TSHR: variants seen among roughly 807,000 people sequenced by gnomAD.
TSHR encodes the protein thyroid stimulating hormone receptor.
Under a neutral mutation model 64.1 loss-of-function variants are expected in TSHR, and 51 were observed. That is an observed-to-expected ratio of 0.80 (90% CI 0.64 to 1.01). The LOEUF is 1.01. Ranked by LOEUF, TSHR falls within the 50% of genes least tolerant of loss-of-function variation. TSHR has a pLI of 0.00. For missense variants in TSHR, 877 were observed against 942.8 expected, an observed-to-expected ratio of 0.93 and a Z score of 0.91; for synonymous variants, 361 against 361.9, an observed-to-expected ratio of 1.00 and a Z score of 0.03.
chr14:80,957,124 G>A (rs1347441026), intron 1 of TSHR, among the ~76,000 whole-genome samples: 1 of 152,032 alleles, frequency 6.6e-6, no homozygotes, highest in African/African-American at 2.4e-5. Context: ...TGCTGTTACA[G>A]CTGCCCTTGC....
At chr14:80,960,818 G>C (rs1405762068) in intron 1 of TSHR, among the ~76,000 whole-genome samples, 1 of 152,244 alleles carries the variant, frequency 6.6e-6, no homozygotes, top group African/African-American at 2.4e-5. Context: ...AAGGCCTACT[G>C]TGGGCAAGGA....
chr14:81,095,796 C>T (rs1889130671), intron 6 of TSHR, among the ~76,000 whole-genome samples: 1 of 152,004 alleles, frequency 6.6e-6, no homozygotes, highest in East Asian at 1.9e-4. Flanking sequence ...ACCTGTAATC[C>T]CCAGTGTTTC....
chr14:80,999,359 A>T (rs756456702), intron 1 of TSHR, among the ~76,000 whole-genome samples: 29 of 152,164 alleles, frequency 1.9e-4, no homozygotes, highest in Non-Finnish European at 4.3e-4. Flanking sequence ...CTTCACCACT[A>T]ACAAGTCTTT....
intron 1 of TSHR, among the ~76,000 whole-genome samples, chr14:81,010,953 T>A (rs113773947): frequency 2.0e-5 from 3 of 152,310 alleles, no homozygotes; most frequent in African/African-American, 7.2e-5. Flanking sequence ...TGCTTCTTGG[T>A]ACTCAGCACT....
At chr14:81,033,554 AG>A (rs1555373028) in intron 1 of TSHR, 1 of 135,080 alleles carries the variant, frequency 7.4e-6, no homozygotes, top group Admixed American at 7.2e-5. Context: ...AGTTAAAATC[AG>A]GGTTTTTTTT....
chr14:80,982,397 A>G, intron 1 of TSHR: 1 of 1,248,962 alleles, frequency 8.0e-7, no homozygotes, highest in South Asian at 1.6e-5. Context: ...GGTGCTAAGA[A>G]TGATAAACCT....
intron 3 of TSHR, among the ~76,000 whole-genome samples, chr14:81,079,811 G>C (rs113700440): frequency 6.7e-6 from 1 of 150,334 alleles, no homozygotes; most frequent in African/African-American, 2.5e-5. Context: ...AGTCATGATC[G>C]TGCTACACAC....
intron 8 of TSHR, among the ~76,000 whole-genome samples, chr14:81,111,811 A>G (rs956264775): frequency 6.6e-6 from 1 of 152,172 alleles, no homozygotes; most frequent in Admixed American, 6.5e-5. Flanking sequence ...AGCTTAATAA[A>G]TATTTGTGAA....
intron 8 of TSHR, among the ~76,000 whole-genome samples, chr14:81,111,299 A>T (rs1890214262): frequency 6.6e-6 from 1 of 152,220 alleles, no homozygotes; most frequent in Admixed American, 6.5e-5. Context: ...GCTTACATCC[A>T]GCATACGCTT....
chr14:81,144,252 C>T lies in TSHR; in HGVS notation c.2194C>T (p.Leu732Phe). ...QKVTHEMRQG[L>F]HNMEDVYELI... is the part of the protein sequence containing the mutation. Reference sequence around the variant, plus strand: ...GGTTACCCACGAGATGAGGCAGGGTCTCCACAACATGGAAGATGTCTATGA... The same window carrying T: ...GGTTACCCACGAGATGAGGCAGGGTTTCCACAACATGGAAGATGTCTATGA... The change falls in exon 10 of 10, where the codon CTC becomes TTC. Residue 732 changes from leucine (L) to phenylalanine (F), a missense_variant. Physicochemically the swap from Leu to Phe is conservative, Grantham distance 22. Transcript: ENST00000298171. 6.2e-7 allele frequency: 1 copy of T among 1,613,754 alleles called. No homozygotes were observed.
intron 3 of TSHR, among the ~76,000 whole-genome samples, chr14:81,086,723 C>T (rs1424540530): frequency 2.0e-5 from 3 of 152,162 alleles, no homozygotes; most frequent in Non-Finnish European, 4.4e-5. Flanking sequence ...ATTTCGAGTC[C>T]ATCTGGGCTA....
chr14:81,062,012 A>G, intron 1 of TSHR, 136 bp from the exon 2 acceptor site: 4 of 716,082 alleles, frequency 5.6e-6, no homozygotes, highest in Non-Finnish European at 7.0e-6. Context: ...GTTGAGTATT[A>G]TTTTTGTTGA....
intron 1 of TSHR, among the ~76,000 whole-genome samples, chr14:81,020,015 G>T (rs1173987017): frequency 6.6e-6 from 1 of 152,134 alleles, no homozygotes; most frequent in African/African-American, 2.4e-5. Flanking sequence ...TCTAGTTCTA[G>T]ATCCTTGAGG....
intron 1 of TSHR, among the ~76,000 whole-genome samples, chr14:81,049,062 T>C (rs940503792): frequency 2.0e-5 from 3 of 152,190 alleles, no homozygotes; most frequent in African/African-American, 7.2e-5. Context: ...TTTCTTAAAA[T>C]TGTAGTTTCC....
At chr14:81,112,839 T>C (rs551927549) in intron 8 of TSHR, among the ~76,000 whole-genome samples, 41 of 152,278 alleles carry the variant, frequency 2.7e-4, no homozygotes, top group South Asian at 4.1e-4. Flanking sequence ...GGTGAGAATA[T>C]ACCTGGCACG....
At chr14:81,120,783 A>G (rs1353718703) in intron 8 of TSHR, among the ~76,000 whole-genome samples, 1 of 152,246 alleles carries the variant, frequency 6.6e-6, no homozygotes, top group African/African-American at 2.4e-5. Context: ...AACAGAAACA[A>G]TGCAAGAACC....
chr14:81,068,082 T>C (rs1886785860), intron 2 of TSHR, among the ~76,000 whole-genome samples, 172 bp from the exon 3 acceptor site: 1 of 150,080 alleles, frequency 6.7e-6, no homozygotes. Flanking sequence ...TATCACAAGA[T>C]CTGAAAAAAA....
At chr14:81,072,934 T>C (rs1388904315) in intron 3 of TSHR, among the ~76,000 whole-genome samples, 1 of 119,894 alleles carries the variant, frequency 8.3e-6, no homozygotes, top group Non-Finnish European at 1.6e-5. Context: ...GAGGCGGAGC[T>C]TGCAGTGAGC....
At position 81,103,780 on chromosome 14, in the gene TSHR, G is replaced by C. The variant is rs1889729621; in HGVS notation, c.615-4595G>C. The C allele has an allele frequency of 4.1e-6, 4 of 985,446 alleles. No homozygotes were observed. Among genetic ancestry groups the C allele is most frequent in the Middle Eastern group, 5.2e-4 (1 of 1,914 alleles). The allele number at this position is 985,446 out of a possible 1,614,324, so 61.0% of individuals were successfully genotyped here. On this transcript the variant is annotated intron_variant, in intron 7 of 9. Coordinates refer to ENST00000298171, the MANE Select transcript of TSHR (RefSeq NM_000369.5). The surrounding 1 kb of genome is among the most constrained non-coding windows in gnomAD (Gnocchi z 4.1). ...TCCATCCTCTTTCCACGCAATCTGC[G>C]TGGGGATATGTTGCTTCTCACAGAA... is the stretch of plus-strand genomic sequence containing the variant.
Sources: allele counts gnomAD v4.1 joint callset (sites outside exome capture counted in the v4.1 genomes callset), GRCh38; gene constraint gnomAD v4.1.1; non-coding constraint Gnocchi (gnomAD v3.1); transcripts MANE v1.5; gene names NCBI Gene and HGNC (gene_info 2026-07-23, HGNC 2026-07-21).